TJP1: variants seen among roughly 807,000 people sequenced by gnomAD.
TJP1 encodes the protein tight junction protein 1.
In TJP1, 43 loss-of-function variants were observed where a neutral mutation model predicts 194.2. That is an observed-to-expected ratio of 0.22 (90% CI 0.17 to 0.29). TJP1 has a LOEUF of 0.29. TJP1 is among the 10% of genes least tolerant of loss of function. The pLI, the probability that TJP1 is intolerant of heterozygous loss-of-function variation, is 1.00. For synonymous variants in TJP1, 801 were observed against 779.0 expected (o/e 1.03, Z -0.47); for missense variants, 1,971 against 2,185.7 (o/e 0.90, Z 1.96).
chr15:29,800,985 TTA>T (rs1176251582), intron 1 of TJP1, among the ~76,000 whole-genome samples: 8 of 152,208 alleles, frequency 5.3e-5, no homozygotes, highest in Admixed American at 4.6e-4. Context: ...TTCTGCAACT[TTA>T]TACTTAGAAA....
chr15:29,865,548 G>A (rs766503487), intron 2 of TJP1, among the ~76,000 whole-genome samples: 2 of 152,156 alleles, frequency 1.3e-5, no homozygotes, highest in Non-Finnish European at 2.9e-5. Context: ...TTTTTGATTT[G>A]TAAAAATTAT....
intron 2 of TJP1, among the ~76,000 whole-genome samples, chr15:29,834,123 G>A (rs1034611751): frequency 2.7e-5 from 4 of 150,524 alleles, no homozygotes; most frequent in Non-Finnish European, 5.9e-5. Flanking sequence ...CCTCGTGATC[G>A]GCCCACCTCG....
intron 18 of TJP1, among the ~76,000 whole-genome samples, chr15:29,721,208 G>T (rs1424407929): frequency 1.3e-5 from 2 of 152,180 alleles, no homozygotes; most frequent in Admixed American, 6.5e-5. Flanking sequence ...TTGGATTTGT[G>T]TTCCCACCCA....
chr15:29,772,311 T>A (rs141872997), intron 3 of TJP1, 145 bp from the exon 4 acceptor site: 2 of 557,148 alleles, frequency 3.6e-6, no homozygotes, highest in East Asian at 6.6e-5. Context: ...GATAAAATAA[T>A]GTCAACTGAC....
At chr15:29,800,319 T>G (rs2151882331) in intron 2 of TJP1, among the ~76,000 whole-genome samples, 1 of 152,356 alleles carries the variant, frequency 6.6e-6, no homozygotes. Flanking sequence ...CCACAATGGA[T>G]GCATATATAC....
Position 29,766,249 on chromosome 15 carries a change from G to A in TJP1, c.589+17C>T, listed in dbSNP as rs1173743587. 1 of 1,601,188 alleles carries A rather than the reference G, an allele frequency of 6.2e-7. No individual in the cohort carries two copies. The highest frequency in any genetic ancestry group is 1.3e-5 in the African/African-American group (1 of 74,242). On this transcript the variant is annotated intron_variant, in intron 5 of 27. Coordinates refer to ENST00000614355, the MANE Select transcript of TJP1 (RefSeq NM_001330239.4). ...AATTTTCATGTGAAAAAAACAGCAAGAGTTGGCAGAGAATACCTTCATTTT... is the reference window on the plus strand; with the variant it reads ...AATTTTCATGTGAAAAAAACAGCAAAAGTTGGCAGAGAATACCTTCATTTT...
At chr15:29,844,249 A>G (rs1394020773) in intron 2 of TJP1, among the ~76,000 whole-genome samples, 2 of 152,036 alleles carry the variant, frequency 1.3e-5, no homozygotes, top group Non-Finnish European at 1.5e-5. Context: ...TTTGTATTTT[A>G]GTAGAGACAG....
At chr15:29,875,238 A>ACC (rs2052656213) in intron 2 of TJP1, among the ~76,000 whole-genome samples, 1 of 152,222 alleles carries the variant, frequency 6.6e-6, no homozygotes, top group South Asian at 2.1e-4. Context: ...ATGATAAGGC[A>ACC]CTGTGGCCAT....
intron 2 of TJP1, among the ~76,000 whole-genome samples, chr15:29,951,772 A>C (rs557532276): frequency 3.3e-5 from 5 of 152,298 alleles, no homozygotes; most frequent in African/African-American, 1.2e-4. Flanking sequence ...CATTGTTTCT[A>C]TTCACTGCAC....
At chr15:29,813,931 C>G (rs1422165962) in intron 1 of TJP1, among the ~76,000 whole-genome samples, 1 of 152,196 alleles carries the variant, frequency 6.6e-6, no homozygotes, top group Non-Finnish European at 1.5e-5. Context: ...TTACATATTT[C>G]ACAGCTTCTT....
intron 1 of TJP1, among the ~76,000 whole-genome samples, chr15:29,802,321 C>T (rs2151895924): frequency 6.6e-6 from 1 of 152,242 alleles, no homozygotes; most frequent in Admixed American, 6.5e-5. Flanking sequence ...CCATTCTCTC[C>T]TTTCCCACAG....
At chr15:29,807,084 A>T (rs2049159652) in intron 1 of TJP1, among the ~76,000 whole-genome samples, 1 of 152,224 alleles carries the variant, frequency 6.6e-6, no homozygotes. Context: ...ACCCCACTGT[A>T]TTCAACACTG....
chr15:29,727,021 G>C, intron 16 of TJP1, 30 bp from the exon 17 acceptor site: 2 of 1,583,538 alleles, frequency 1.3e-6, no homozygotes, highest in South Asian at 1.1e-5. Flanking sequence ...TATATACAAA[G>C]ACACAAGACA....
chr15:29,782,768 A>C (rs1271765162), intron 2 of TJP1, among the ~76,000 whole-genome samples: 1 of 152,090 alleles, frequency 6.6e-6, no homozygotes, highest in Non-Finnish European at 1.5e-5. Flanking sequence ...AACCTACAGA[A>C]TATGAGAAAA....
chr15:29,912,695 CAAAAAAAAAAAAAAA>C (rs71103416), intron 2 of TJP1, among the ~76,000 whole-genome samples: 1 of 64,950 alleles, frequency 1.5e-5, no homozygotes, highest in Admixed American at 2.6e-4. Context: ...GACTCTGTCT[CAAAAAAAAAAAAAAA>C]AAAAAAAAAA....
intron 2 of TJP1, among the ~76,000 whole-genome samples, chr15:29,906,151 G>A (rs749848620): frequency 4.6e-5 from 7 of 152,088 alleles, no homozygotes; most frequent in Non-Finnish European, 4.4e-5. Context: ...TTCCACTCAA[G>A]TTTGCTGTGA....
At chr15:29,795,797 G>C (rs536838321) in intron 2 of TJP1, among the ~76,000 whole-genome samples, 2 of 152,012 alleles carry the variant, frequency 1.3e-5, no homozygotes, top group East Asian at 3.9e-4. Flanking sequence ...ATCTGGAATG[G>C]ATAACATGTA....
At chr15:29,923,514 G>A (rs2054430812) in intron 2 of TJP1, among the ~76,000 whole-genome samples, 1 of 152,048 alleles carries the variant, frequency 6.6e-6, no homozygotes, top group Non-Finnish European at 1.5e-5. Flanking sequence ...GCTACAACAT[G>A]GATGAACCTT....
At chr15:29,833,522 T>C (rs927649446) in intron 2 of TJP1, among the ~76,000 whole-genome samples, 1 of 151,620 alleles carries the variant, frequency 6.6e-6, no homozygotes, top group African/African-American at 2.4e-5. Flanking sequence ...GCCTCCCGAG[T>C]AGCTGAAATT....
Sources: allele counts gnomAD v4.1 joint callset (sites outside exome capture counted in the v4.1 genomes callset), GRCh38; gene constraint gnomAD v4.1.1; transcripts MANE v1.5; gene names NCBI Gene and HGNC (gene_info 2026-07-23, HGNC 2026-07-21).